Variants in SBF2 observed in about 807,000 individuals in gnomAD.
SBF2 encodes myotubularin-related protein 13.
A neutral mutation model predicts 225.2 loss-of-function variants in SBF2; 112 were observed. The observed-to-expected ratio is 0.50, with a 90% CI of 0.43 to 0.58. The LOEUF is 0.58. SBF2 is among the 20% of genes least tolerant of loss of function. The probability of loss-of-function intolerance (pLI) is 0.00; values close to 1 mark genes in which losing one functional copy is unlikely to be tolerated. For synonymous variants in SBF2, 763 were observed against 773.3 expected (o/e 0.99, Z 0.22); for missense variants, 1,996 against 2,206.2 (o/e 0.90, Z 1.91).
rs376386280 is a variant in SBF2 at position 10,175,744 on chromosome 11, C to G, written c.141+18158G>C. On this transcript the variant is annotated intron_variant, in intron 2 of 39. Transcript: ENST00000256190. ...GCACCACACCACACCTATTCCAAAACTGACCACATACTTGGAAGTAAAGCA... is the reference window on the plus strand; with the variant it reads ...GCACCACACCACACCTATTCCAAAAGTGACCACATACTTGGAAGTAAAGCA... Among the ~76,000 whole-genome samples, 5 of 151,834 alleles carry G rather than the reference C, an allele frequency of 3.3e-5. No individual in the cohort carries two copies. In the South Asian group the frequency reaches 1.0e-3, roughly 32 times the overall value.
intron 16 of SBF2, among the ~76,000 whole-genome samples, chr11:9,903,741 A>C (rs940073162): frequency 6.6e-6 from 1 of 152,154 alleles, no homozygotes; most frequent in Non-Finnish European, 1.5e-5. Flanking sequence ...TGGGCTACTC[A>C]TAAGTGCAGT....
rs114178654 is a variant in SBF2 at position 10,236,365 on chromosome 11, C to T, written c.56-42378G>A. Among the ~76,000 whole-genome samples the T allele has an allele frequency of 6.0e-3, 906 of 152,240 alleles. 10 individuals carry two copies. The highest frequency in any genetic ancestry group is 0.021 in the African/African-American group (854 of 41,546). On this transcript the variant is annotated intron_variant, in intron 1 of 39. Transcript: ENST00000256190. ...CAGTCCCAGCTACTCAAGAGATTGA[C>T]GGTGGGAGAACCACTTGGCTGCAGG...
chr11:10,133,628 C>A (rs556308092), intron 2 of SBF2, among the ~76,000 whole-genome samples: 1 of 147,642 alleles, frequency 6.8e-6, no homozygotes, highest in Non-Finnish European at 1.5e-5. Context: ...CACGCCCACC[C>A]GGAACTCCAG....
At chr11:10,211,634 A>C (rs1200082290) in intron 1 of SBF2, among the ~76,000 whole-genome samples, 1 of 152,212 alleles carries the variant, frequency 6.6e-6, no homozygotes, top group Non-Finnish European at 1.5e-5. Context: ...TGATGTCATC[A>C]CTGTAGGGGA....
chr11:10,109,187 G>GTATATATATATA (rs58064960), intron 2 of SBF2, among the ~76,000 whole-genome samples: 1 of 149,976 alleles, frequency 6.7e-6, no homozygotes, highest in Non-Finnish European at 1.5e-5. Context: ...AGGTATGTGT[G>GTATATATATATA]TATATATATA....
In SBF2 at chr11:9,850,011, A is replaced by T. The variant is rs1174365910; in HGVS notation, c.2806+12T>A. ...ACAGATACCCATGTTCTGATGGCAT[A>T]TCGAGTCATACCTAACTGATCATGG... On this transcript the variant is annotated intron_variant, in intron 22 of 39. Transcript: ENST00000256190. 1 of 1,611,664 alleles carries T rather than the reference A, an allele frequency of 6.2e-7. No homozygotes were observed. The highest frequency in any genetic ancestry group is 8.5e-7 in the Non-Finnish European group (1 of 1,178,020).
intron 2 of SBF2, among the ~76,000 whole-genome samples, chr11:10,073,483 C>T (rs1258905317): frequency 6.6e-6 from 1 of 152,042 alleles, no homozygotes; most frequent in Non-Finnish European, 1.5e-5. Flanking sequence ...AAGGGCCAGG[C>T]GGGCAGATCA....
At chr11:9,907,803 A>G (rs1349980049) in intron 16 of SBF2, among the ~76,000 whole-genome samples, 1 of 152,364 alleles carries the variant, frequency 6.6e-6, no homozygotes, top group African/African-American at 2.4e-5. Context: ...AGTATCACAC[A>G]TATTTGAAGT....
rs181191494 is a variant in SBF2 at position 9,883,754 on chromosome 11, G to T, written c.1929+12189C>A. On this transcript the variant is annotated intron_variant, in intron 17 of 39. Coordinates refer to ENST00000256190, the MANE Select transcript of SBF2 (RefSeq NM_030962.4). ...AAGAAAGAGCTGAATAAATACTTTT[G>T]ATTTGAATCAACAGGTGTGATAAAT... Among the ~76,000 whole-genome samples, 267 of 152,184 alleles carry T rather than the reference G, an allele frequency of 1.8e-3. 2 individuals carry two copies. The highest frequency in any genetic ancestry group is 1.8e-3 in the Non-Finnish European group (124 of 68,010).
chr11:10,048,915 G>C (rs2134704813), intron 2 of SBF2, among the ~76,000 whole-genome samples: 1 of 152,316 alleles, frequency 6.6e-6, no homozygotes, highest in African/African-American at 2.4e-5. Context: ...AAAGTTCACA[G>C]ATGTGGTTAC....
chr11:10,168,678 G>A lies in SBF2; in HGVS notation c.141+25224C>T, dbSNP rs771172354. Reference sequence around the variant, plus strand: ...TCTGTAGTTAATAGAATGAGTGGAAGATATTATTTATGAGCAGGTGGCTTT... The same window carrying A: ...TCTGTAGTTAATAGAATGAGTGGAAAATATTATTTATGAGCAGGTGGCTTT... On this transcript the variant is annotated intron_variant, in intron 2 of 39. Transcript: ENST00000256190. Among the ~76,000 whole-genome samples the A allele has an allele frequency of 2.6e-5, 4 of 152,346 alleles. No individual in the cohort carries two copies. In the East Asian group the frequency reaches 7.7e-4, roughly 29 times the overall value.
At chr11:10,133,512 G>A (rs1038739700) in intron 2 of SBF2, among the ~76,000 whole-genome samples, 1 of 135,944 alleles carries the variant, frequency 7.4e-6, no homozygotes, top group Admixed American at 7.6e-5. Context: ...AGCACTGCTG[G>A]GGGACTCAGT....
At chr11:9,867,115 A>T (rs1858289154) in intron 17 of SBF2, among the ~76,000 whole-genome samples, 1 of 152,196 alleles carries the variant, frequency 6.6e-6, no homozygotes, top group African/African-American at 2.4e-5. Context: ...TTTAAAAATA[A>T]CTAAAAGGGT....
At chr11:9,993,230 G>T (rs1590701990) in intron 10 of SBF2, 127 bp from the exon 11 acceptor site, 1 of 680,644 alleles carries the variant, frequency 1.5e-6, no homozygotes, top group Non-Finnish European at 2.6e-6. Context: ...AACAATTACA[G>T]TCACAACCAA....
chr11:10,153,390 C>T (rs1955312678), intron 2 of SBF2, among the ~76,000 whole-genome samples: 1 of 152,084 alleles, frequency 6.6e-6, no homozygotes, highest in African/African-American at 2.4e-5. Flanking sequence ...AATTTATCTA[C>T]AAAATCTCAC....
At chr11:10,194,162 A>C (rs547366522) in intron 1 of SBF2, among the ~76,000 whole-genome samples, 175 bp from the exon 2 acceptor site, 2 of 152,326 alleles carry the variant, frequency 1.3e-5, no homozygotes, top group Non-Finnish European at 2.9e-5. Flanking sequence ...ATGCAGTAGG[A>C]CCTCCATATC....
intron 16 of SBF2, among the ~76,000 whole-genome samples, chr11:9,934,381 A>G (rs1180912455): frequency 6.6e-6 from 1 of 152,192 alleles, no homozygotes; most frequent in Non-Finnish European, 1.5e-5. Flanking sequence ...AGAGGTACAA[A>G]GAGGAGCTGG....
chr11:10,178,955 C>A (rs1272204152), intron 2 of SBF2, among the ~76,000 whole-genome samples: 1 of 138,316 alleles, frequency 7.2e-6, no homozygotes, highest in Non-Finnish European at 1.6e-5. Flanking sequence ...AAATGTCCAA[C>A]AATGATAGAC....
chr11:9,904,612 A>C (rs1861980372), intron 16 of SBF2, among the ~76,000 whole-genome samples: 2 of 152,364 alleles, frequency 1.3e-5, no homozygotes, highest in Middle Eastern at 3.4e-3. Flanking sequence ...GAGCTAATAG[A>C]TATGTATAGA....
Sources: gnomAD v4.1 joint callset for allele counts (sites outside exome capture counted in the v4.1 genomes callset) on GRCh38, gnomAD v4.1.1 for gene constraint, MANE v1.5 for transcripts, NCBI Gene and HGNC (gene_info 2026-07-23, HGNC 2026-07-21) for gene names.